The following MRTFA variants were observed in gnomAD, a reference collection of about 807,000 sequenced individuals.
MRTFA encodes the protein myocardin related transcription factor A, also known as myocardin-related transcription factor A.
In MRTFA, 20 loss-of-function variants were observed where a neutral mutation model predicts 83.5. The ratio of observed to expected loss-of-function variants is 0.24; its 90% CI spans 0.17 to 0.35. The LOEUF is 0.35. MRTFA is among the 10% of genes least tolerant of loss of function. The pLI is 1.00. For missense variants in MRTFA, 1,200 were observed against 1,224.7 expected (o/e 0.98, Z 0.30); for synonymous variants, 659 against 541.2 (o/e 1.22, Z -3.02).
intron 4 of MRTFA, among the ~76,000 whole-genome samples, chr22:40,441,960 G>T (rs73167041): frequency 0.081 from 12,380 of 152,084 alleles, 782 homozygotes; most frequent in East Asian, 0.24. Context: ...GGCCAGAATG[G>T]TCTTGATTTA....
At chr22:40,457,485 A>G (rs546226623) in intron 4 of MRTFA, among the ~76,000 whole-genome samples, 1 of 133,236 alleles carries the variant, frequency 7.5e-6, no homozygotes, top group African/African-American at 2.6e-5. Context: ...AAAGAAAGAA[A>G]GAAGGAAAGA....
intron 1 of MRTFA, among the ~76,000 whole-genome samples, chr22:40,601,871 T>A (rs1389249707): frequency 6.6e-6 from 1 of 151,802 alleles, no homozygotes; most frequent in Non-Finnish European, 1.5e-5. Flanking sequence ...CAATCAGAGG[T>A]AGGGGGTCAA....
At chr22:40,633,073 T>C (rs1237955400) in intron 1 of MRTFA, among the ~76,000 whole-genome samples, 3 of 152,218 alleles carry the variant, frequency 2.0e-5, no homozygotes, top group Non-Finnish European at 4.4e-5. Flanking sequence ...CCCAAGCCTA[T>C]ACCACTTCAT....
chr22:40,539,637 G>A (rs1234964720), intron 3 of MRTFA, among the ~76,000 whole-genome samples: 1 of 151,740 alleles, frequency 6.6e-6, no homozygotes, highest in Non-Finnish European at 1.5e-5. Flanking sequence ...CGAGTAGCTG[G>A]GATTACAGGC....
intron 2 of MRTFA, among the ~76,000 whole-genome samples, chr22:40,554,479 G>A (rs979909751): frequency 3.3e-5 from 5 of 152,110 alleles, no homozygotes; most frequent in African/African-American, 2.4e-5. Context: ...TTTTATAAGG[G>A]GCTTTTCCTC....
Position 40,589,357 on chromosome 22 carries a change from A to G in MRTFA, c.-22+5317T>C, listed in dbSNP as rs551331408. On this transcript the variant is annotated intron_variant, in intron 2 of 14. Transcript: ENST00000355630. Reference sequence around the variant, plus strand: ...GCTTACTGAACATCTGTGACCAACAAAAGTGCCAAATGCCTATTTAATCCT... The same window carrying G: ...GCTTACTGAACATCTGTGACCAACAGAAGTGCCAAATGCCTATTTAATCCT... 7.9e-5 allele frequency among the ~76,000 whole-genome samples: 12 copies of G among 152,330 alleles called. No homozygotes were observed. The South Asian group carries it at 1.2e-3, about 16-fold the overall frequency.
chr22:40,485,885 T>C (rs1027049359), intron 3 of MRTFA, among the ~76,000 whole-genome samples: 3 of 152,146 alleles, frequency 2.0e-5, no homozygotes, highest in African/African-American at 7.2e-5. Flanking sequence ...TCCTAAGGCA[T>C]CTCCCTCAAC....
intron 3 of MRTFA, among the ~76,000 whole-genome samples, chr22:40,510,729 T>C (rs2054653580): frequency 6.6e-6 from 1 of 152,002 alleles, no homozygotes; most frequent in African/African-American, 2.4e-5. Context: ...CAGTCTTTGG[T>C]GGTATGCAGT....
At chr22:40,501,724 A>G (rs1602346064) in intron 3 of MRTFA, among the ~76,000 whole-genome samples, 4 of 43,934 alleles carry the variant, frequency 9.1e-5, no homozygotes, top group Admixed American at 1.9e-4. Flanking sequence ...GGCCGGGCAG[A>G]GGGGCTCCTC....
At chr22:40,573,739 T>TA (rs537430733) in intron 2 of MRTFA, among the ~76,000 whole-genome samples, 4,702 of 143,274 alleles carry the variant, frequency 0.033, 92 homozygotes, top group Middle Eastern at 0.079. Flanking sequence ...CCTGTGTCTT[T>TA]AAAAAAAAAA....
chr22:40,577,769 G>T (rs368995308), intron 2 of MRTFA, among the ~76,000 whole-genome samples: 3 of 151,896 alleles, frequency 2.0e-5, no homozygotes, highest in South Asian at 2.1e-4. Flanking sequence ...ACCATGCCCG[G>T]CTAATTTTGT....
chr22:40,516,018 C>T (rs925667051), intron 3 of MRTFA, among the ~76,000 whole-genome samples: 1 of 152,148 alleles, frequency 6.6e-6, no homozygotes, highest in Non-Finnish European at 1.5e-5. Flanking sequence ...AACATTGAAT[C>T]GGTTGACCAA....
intron 1 of MRTFA, among the ~76,000 whole-genome samples, chr22:40,597,693 C>G (rs1442905099): frequency 6.6e-6 from 1 of 152,130 alleles, no homozygotes; most frequent in Non-Finnish European, 1.5e-5. Context: ...AGGAGCAAAC[C>G]CTCTCCTGAC....
intron 2 of MRTFA, among the ~76,000 whole-genome samples, chr22:40,573,008 G>A (rs1322607395): frequency 6.6e-6 from 1 of 152,148 alleles, no homozygotes; most frequent in African/African-American, 2.4e-5. Context: ...ACTGAAAGAA[G>A]CCAGACACAA....
intron 4 of MRTFA, among the ~76,000 whole-genome samples, chr22:40,442,028 T>C (rs533180898): frequency 6.6e-6 from 1 of 152,212 alleles, no homozygotes; most frequent in East Asian, 1.9e-4. Flanking sequence ...CTTGGTAATT[T>C]AGGACATCAA....
intron 5 of MRTFA, among the ~76,000 whole-genome samples, chr22:40,434,369 G>C (rs2053126287): frequency 6.9e-6 from 1 of 145,484 alleles, no homozygotes; most frequent in Non-Finnish European, 1.5e-5. Context: ...AGAGGGGAAT[G>C]AAAGAAAGTT....
At position 40,507,202 on chromosome 22, in the gene MRTFA, A is replaced by G. The variant is rs1197162694; in HGVS notation, c.242-43916T>C. Among the ~76,000 whole-genome samples the G allele has an allele frequency of 3.3e-5, 5 of 152,104 alleles. No homozygotes were observed. The South Asian group carries it at 6.2e-4, about 19-fold the overall frequency. Reference sequence around the variant, plus strand: ...AGGCAAAACCCCATCTCTACAAAAAATACAAAAAATTAGCCAGGCGTGGTG... The same window carrying G: ...AGGCAAAACCCCATCTCTACAAAAAGTACAAAAAATTAGCCAGGCGTGGTG... On this transcript the variant is annotated intron_variant, in intron 3 of 14. Transcript: ENST00000355630.
At chr22:40,498,278 T>TATATATATATATTTATATATATATA (rs2054395334) in intron 3 of MRTFA, among the ~76,000 whole-genome samples, 2 of 95,548 alleles carry the variant, frequency 2.1e-5, no homozygotes, top group South Asian at 4.1e-4. Context: ...TATATATTTT[T>TATATATATATATTTATATATATATA]TTTTTTTTTT....
At position 40,423,629 on chromosome 22, in the gene MRTFA, C is replaced by T. The variant is rs943156823; in HGVS notation, c.834G>A (p.Glu278=). 2 of 1,594,566 alleles carry T rather than the reference C, an allele frequency of 1.3e-6. No homozygotes were observed. The highest frequency in any genetic ancestry group is 3.5e-5 in the Admixed American group (2 of 57,956). ...GAGGTGGGGGAGGCAGAGGAGGCTG[C>T]TCTGCCAGGAAAAGCATTTCTCTGG... is the stretch of plus-strand genomic sequence containing the variant. The change falls in exon 9 of 15, where the codon GAG becomes GAA. Residue 278 remains glutamate (E), a synonymous_variant. Transcript: ENST00000355630.
Sources: allele counts gnomAD v4.1 joint callset (sites outside exome capture counted in the v4.1 genomes callset), GRCh38; gene constraint gnomAD v4.1.1; transcripts MANE v1.5; gene names NCBI Gene and HGNC (gene_info 2026-07-23, HGNC 2026-07-21).